Variants in FMNL2 observed in about 807,000 individuals in gnomAD.
The protein encoded by FMNL2 is formin-like protein 2.
FMNL2 carries 51 observed loss-of-function variants against 130.2 expected under a neutral mutation model. The ratio of observed to expected loss-of-function variants is 0.39; its 90% confidence interval spans 0.31 to 0.49. FMNL2 has a LOEUF of 0.49. FMNL2 is among the 20% of genes least tolerant of loss of function. The probability of loss-of-function intolerance (pLI) is 0.85; values close to 1 mark genes in which losing one functional copy is unlikely to be tolerated. For synonymous variants in FMNL2, 465 were observed against 467.1 expected (o/e 1.00, Z 0.06); for missense variants, 977 against 1,316.2 (o/e 0.74, Z 3.99).
chr2:152,553,539 C>CT (rs1558958674), intron 4 of FMNL2, among the ~76,000 whole-genome samples: 18 of 144,944 alleles, frequency 1.2e-4, no homozygotes, highest in African/African-American at 4.5e-4. Context: ...GCAATTCTCA[C>CT]ATTTTTTTTT....
intron 1 of FMNL2, among the ~76,000 whole-genome samples, chr2:152,398,812 G>C (rs1180992021): frequency 6.6e-6 from 1 of 152,218 alleles, no homozygotes; most frequent in African/African-American, 2.4e-5. Flanking sequence ...ACTGATACAT[G>C]TAATACAAGG....
At chr2:152,588,561 G>A (rs773523009) in intron 9 of FMNL2, among the ~76,000 whole-genome samples, 3 of 152,140 alleles carry the variant, frequency 2.0e-5, no homozygotes, top group Non-Finnish European at 2.9e-5. Flanking sequence ...TCAGGAATTA[G>A]CATGTGGACA....
At position 152,401,437 on chromosome 2, in the gene FMNL2, G is replaced by GC. The variant is rs543627548; in HGVS notation, c.117+65720dup. 7.2e-5 allele frequency among the ~76,000 whole-genome samples: 11 copies of GC among 152,286 alleles called. No individual in the cohort carries two copies. The East Asian group carries it at 2.1e-3, about 29-fold the overall frequency. On this transcript the variant is annotated intron_variant, in intron 1 of 25. Coordinates refer to ENST00000288670, the MANE Select transcript of FMNL2 (RefSeq NM_052905.4). ...CACACTGCCTTTTCACCTGGTAGAT[G>GC]CCCATGAGTTAGTTGAGTTGAATTG...
intron 1 of FMNL2, among the ~76,000 whole-genome samples, chr2:152,364,297 G>T (rs1683383776): frequency 1.1e-5 from 1 of 91,858 alleles, no homozygotes; most frequent in Non-Finnish European, 1.9e-5. Flanking sequence ...TTTTTTACCA[G>T]ATCCTTAGAT....
At chr2:152,549,900 A>T (rs1474052019) in intron 4 of FMNL2, among the ~76,000 whole-genome samples, 1 of 152,218 alleles carries the variant, frequency 6.6e-6, no homozygotes, top group Non-Finnish European at 1.5e-5. Context: ...TTTGAGCTTT[A>T]CAATGAGAGG....
At chr2:152,555,586 G>T (rs905505685) in intron 4 of FMNL2, among the ~76,000 whole-genome samples, 1 of 139,566 alleles carries the variant, frequency 7.2e-6, no homozygotes, top group Non-Finnish European at 1.5e-5. Flanking sequence ...CAATAAAACA[G>T]TGACTGTTGG....
intron 1 of FMNL2, among the ~76,000 whole-genome samples, chr2:152,500,716 C>T (rs1338175367): frequency 4.6e-5 from 7 of 152,074 alleles, no homozygotes; most frequent in South Asian, 2.1e-4. Flanking sequence ...GGTGTGGTGG[C>T]GGGTGCCTGT....
chr2:152,361,637 T>C (rs568102737), intron 1 of FMNL2, among the ~76,000 whole-genome samples: 2 of 152,264 alleles, frequency 1.3e-5, no homozygotes, highest in Non-Finnish European at 2.9e-5. Context: ...AGCTTTCTGA[T>C]TAACAGTTTA....
rs192077915 is a variant in FMNL2 at position 152,547,964 on chromosome 2, G to A, written c.283-1057G>A. ...AAAATGTGTTCCAAAGGACTGATGTGCAATGTAGCCCATTGATATCTTGGA... is the reference window on the plus strand; with the variant it reads ...AAAATGTGTTCCAAAGGACTGATGTACAATGTAGCCCATTGATATCTTGGA... On this transcript the variant is annotated intron_variant, in intron 3 of 25. Transcript: ENST00000288670. Among the ~76,000 whole-genome samples the A allele has an allele frequency of 2.1e-3, 322 of 152,312 alleles. 1 individual carries two copies. Among genetic ancestry groups the A allele is most frequent in the Non-Finnish European group, 3.8e-3 (261 of 68,036 alleles).
rs1695497066 is a variant in FMNL2 at position 152,561,091 on chromosome 2, C to G, written c.596+56C>G. 7 of 1,503,742 alleles carry G rather than the reference C, an allele frequency of 4.7e-6. No homozygotes were observed. In the Admixed American group the frequency reaches 6.5e-5, roughly 14 times the overall value. The allele number at this position is 1,503,742 out of a possible 1,614,324, so 93.1% of individuals were successfully genotyped here. On this transcript the variant is annotated intron_variant, in intron 6 of 25. Coordinates refer to ENST00000288670, the MANE Select transcript of FMNL2 (RefSeq NM_052905.4). ...GCAGGATGCACTGGGACAGCAGGCT[C>G]CTACTTCTTTTGATGATTCTGGGCA... is the stretch of plus-strand genomic sequence containing the variant.
chr2:152,345,140 T>G (rs1021608638), intron 1 of FMNL2, among the ~76,000 whole-genome samples: 4 of 152,216 alleles, frequency 2.6e-5, no homozygotes, highest in Non-Finnish European at 4.4e-5. Context: ...TAAATCAATC[T>G]TATAAGGAAC....
chr2:152,384,122 G>A (rs893736519), intron 1 of FMNL2, among the ~76,000 whole-genome samples: 19 of 152,004 alleles, frequency 1.2e-4, no homozygotes, highest in Admixed American at 7.2e-4. Flanking sequence ...TTAAGTTTTC[G>A]TAGCAGCTCT....
intron 6 of FMNL2, among the ~76,000 whole-genome samples, chr2:152,571,319 T>C (rs1696156249): frequency 1.3e-5 from 2 of 152,162 alleles, no homozygotes; most frequent in Admixed American, 6.5e-5. Flanking sequence ...TGACAGAGTC[T>C]GGGATCATGC....
intron 2 of FMNL2, among the ~76,000 whole-genome samples, chr2:152,528,029 T>C (rs1319397161): frequency 1.3e-5 from 2 of 152,186 alleles, no homozygotes; most frequent in East Asian, 3.8e-4. Flanking sequence ...AATTTATGGA[T>C]TCAATATTTT....
intron 22 of FMNL2, among the ~76,000 whole-genome samples, chr2:152,637,358 T>C (rs1682707117): frequency 6.6e-6 from 1 of 152,332 alleles, no homozygotes; most frequent in African/African-American, 2.4e-5. Flanking sequence ...GATGAATTCC[T>C]GTGCCCCACT....
At chr2:152,474,562 T>C (rs1217031018) in intron 1 of FMNL2, among the ~76,000 whole-genome samples, 3 of 152,166 alleles carry the variant, frequency 2.0e-5, no homozygotes, top group Non-Finnish European at 4.4e-5. Flanking sequence ...GGCGCACGCC[T>C]GTAGTCCCAG....
At chr2:152,611,959 G>A (rs978742690) in intron 11 of FMNL2, among the ~76,000 whole-genome samples, 4 of 152,138 alleles carry the variant, frequency 2.6e-5, no homozygotes, top group Non-Finnish European at 5.9e-5. Context: ...TTACTCCGGG[G>A]ACCCCATCTG....
At chr2:152,605,942 T>C (rs574289319) in intron 9 of FMNL2, among the ~76,000 whole-genome samples, 1 of 152,314 alleles carries the variant, frequency 6.6e-6, no homozygotes, top group East Asian at 1.9e-4. Context: ...TTTTGTGAAG[T>C]GAATTTTAAC....
chr2:152,570,134 T>C (rs1475480484), intron 6 of FMNL2, among the ~76,000 whole-genome samples: 2 of 152,246 alleles, frequency 1.3e-5, no homozygotes, highest in African/African-American at 2.4e-5. Context: ...TAACTATTGG[T>C]ATCTGCTGGG....
Sources: allele counts gnomAD v4.1 joint callset (sites outside exome capture counted in the v4.1 genomes callset), GRCh38; gene constraint gnomAD v4.1.1; transcripts MANE v1.5; gene names NCBI Gene and HGNC (gene_info 2026-07-23, HGNC 2026-07-21).